The following LMNB2 variants were observed in gnomAD, a reference collection of about 807,000 sequenced individuals.
LMNB2 encodes the protein lamin-B2.
LMNB2 carries 17 observed loss-of-function variants against 69.3 expected under a neutral mutation model. The ratio of observed to expected loss-of-function variants is 0.25; its 90% confidence interval spans 0.17 to 0.37. The LOEUF is 0.37. Ranked by LOEUF, LMNB2 falls within the 10% of genes least tolerant of loss-of-function variation. The probability of loss-of-function intolerance (pLI) is 1.00; values close to 1 mark genes in which losing one functional copy is unlikely to be tolerated. For missense variants in LMNB2, 789 were observed against 883.6 expected, an observed-to-expected ratio of 0.89 and a Z score of 1.36; for synonymous variants, 397 against 389.3, an observed-to-expected ratio of 1.02 and a Z score of -0.23.
intron 8 of LMNB2, among the ~76,000 whole-genome samples, chr19:2,432,800 C>T (rs1971760276): frequency 6.7e-6 from 1 of 149,042 alleles, no homozygotes; most frequent in Non-Finnish European, 1.5e-5. Flanking sequence ...CTCGCATTGG[C>T]CGGCAGCCCC....
Position 2,435,191 on chromosome 19 carries a change from G to A in LMNB2, c.685-20C>T. ...CACCTCCTGCGGACCAAGGCTTCGTGACCCTCTGGTCCCGCCTGGGCCCCA... is the reference window on the plus strand; with the variant it reads ...CACCTCCTGCGGACCAAGGCTTCGTAACCCTCTGGTCCCGCCTGGGCCCCA... On this transcript the variant is annotated intron_variant, in intron 4 of 11. Coordinates refer to ENST00000325327, the MANE Select transcript of LMNB2 (RefSeq NM_032737.4). The A allele has an allele frequency of 6.3e-7, 1 of 1,598,862 alleles. No individual in the cohort carries two copies. Among genetic ancestry groups the A allele is most frequent in the Non-Finnish European group, 8.5e-7 (1 of 1,179,234 alleles).
rs1972045263 is a variant in LMNB2 at position 2,453,013 on chromosome 19, C to CTGGGTCATCCTCGTGGGGGA, written c.264+3656_264+3657insTCCCCCACGAGGATGACCCA. ...GGGGGCTGGGTCATCCTAATGGGGG[C>CTGGGTCATCCTCGTGGGGGA]TGGGTCATCCTCGTGGGGGCTGGGT... On this transcript the variant is annotated intron_variant, in intron 1 of 11. Transcript: ENST00000325327. This position sits in a 1 kb window ranked among gnomAD's most constrained non-coding sequence, Gnocchi z 4.4. 6.3e-4 allele frequency among the ~76,000 whole-genome samples: 49 copies of CTGGGTCATCCTCGTGGGGGA among 77,866 alleles called. No individual in the cohort carries two copies. Among genetic ancestry groups the CTGGGTCATCCTCGTGGGGGA allele is most frequent in the African/African-American group, 2.7e-3 (49 of 18,482 alleles). 51.1% of individuals were successfully genotyped at this position (77,866 alleles called of 152,430 possible).
rs1971919476 is a variant in LMNB2 at position 2,443,465 on chromosome 19, G to C, written c.401+939C>G. Among the ~76,000 whole-genome samples, 1 of 152,126 alleles carries C rather than the reference G, an allele frequency of 6.6e-6. No individual in the cohort carries two copies. Among genetic ancestry groups the C allele is most frequent in the Non-Finnish European group, 1.5e-5 (1 of 68,016 alleles). On this transcript the variant is annotated intron_variant, in intron 2 of 11. Coordinates refer to ENST00000325327, the MANE Select transcript of LMNB2 (RefSeq NM_032737.4). The surrounding 1 kb of genome is among the most constrained non-coding windows in gnomAD (Gnocchi z 6.2). ...GACAACGTGGATTCTCAAGCCACTG[G>C]CTGCTGTCACCCCCGTACCAGGTGG... is the stretch of plus-strand genomic sequence containing the variant.
intron 2 of LMNB2, 112 bp from the exon 3 acceptor site, chr19:2,438,643 C>A: frequency 7.5e-7 from 1 of 1,325,116 alleles, no homozygotes; most frequent in East Asian, 2.4e-5. Context: ...GGCCTCCGAG[C>A]CCCAGACCTT....
chr19:2,454,161 T>C (rs1184765763), intron 1 of LMNB2, among the ~76,000 whole-genome samples: 1 of 151,622 alleles, frequency 6.6e-6, no homozygotes, highest in Non-Finnish European at 1.5e-5. Flanking sequence ...GGCATGGTGG[T>C]GAACACCTGT....
At chr19:2,452,599 G>T (rs1208308456) in intron 1 of LMNB2, among the ~76,000 whole-genome samples, 1 of 151,830 alleles carries the variant, frequency 6.6e-6, no homozygotes, top group Non-Finnish European at 1.5e-5. Context: ...GGTGGTACAC[G>T]CCTGTAATCC....
Position 2,434,992 on chromosome 19 carries a change from C to G in LMNB2, c.855+9G>C, listed in dbSNP as rs772053278. On this transcript the variant is annotated intron_variant, in intron 5 of 11. Transcript: ENST00000325327. ...CGGCCGCCCCCGCCCACCCGCCTGC[C>G]GGCCACACCTTGGCCTGGTAGGTCT... 6.2e-7 allele frequency: 1 copy of G among 1,604,018 alleles called. No homozygotes were observed. Among genetic ancestry groups the G allele is most frequent in the Non-Finnish European group, 8.5e-7 (1 of 1,178,646 alleles).
chr19:2,438,442 G>T lies in LMNB2; in HGVS notation c.491C>A (p.Ala164Glu). 1.2e-6 allele frequency: 2 copies of T among 1,612,506 alleles called. No individual in the cohort carries two copies. Among genetic ancestry groups the T allele is most frequent in the Non-Finnish European group, 1.7e-6 (2 of 1,179,870 alleles). The change falls in exon 3 of 12, where the codon GCA (alanine) becomes GAA (glutamate). Residue 164 changes from alanine to glutamate, a missense_variant. Physicochemically the swap from Ala to Glu is moderately radical, Grantham distance 107. Coordinates refer to ENST00000325327, the MANE Select transcript of LMNB2 (RefSeq NM_032737.4). ...GCCGCGCTTGTCGCTGAGGGCAGCTGCCAGCTCCACCTCGCTCCGGTGGAA... is the reference window on the plus strand; with the variant it reads ...GCCGCGCTTGTCGCTGAGGGCAGCTTCCAGCTCCACCTCGCTCCGGTGGAA... ...SLFHRSEVELAAALSDKRGLE... is the reference protein window; with the variant it reads ...SLFHRSEVELEAALSDKRGLE...
chr19:2,435,164 C>T lies in LMNB2; in HGVS notation c.692G>A (p.Arg231Gln), dbSNP rs754946662. Residue 231 changes from arginine to glutamine, a missense_variant, in exon 5 of 12, where the codon CGG becomes CAG. By Grantham distance (43) the Arg-to-Gln change is conservative (BLOSUM62 1). Transcript: ENST00000325327. ...CCGCTCGTGCCGCCGCCGCGTCTCC[C>T]GCACCTCCTGCGGACCAAGGCTTCG... ...FRKSVFEEEV[R>Q]ETRRRHERRL... The T allele has an allele frequency of 2.1e-5, 34 of 1,602,030 alleles. No homozygotes were observed. In the Admixed American group the frequency reaches 3.5e-4, roughly 17 times the overall value.
chr19:2,447,937 C>T lies in LMNB2; in HGVS notation c.265-3397G>A, dbSNP rs1432019149. Among the ~76,000 whole-genome samples the T allele has an allele frequency of 6.6e-6, 1 of 152,212 alleles. No individual in the cohort carries two copies. Among genetic ancestry groups the T allele is most frequent in the Non-Finnish European group, 1.5e-5 (1 of 68,038 alleles). Reference sequence around the variant, plus strand: ...CCTACAGTGGGGCGGGATAAGGGTTCCCAACCTGATTTTATGTATGGGAAA... The same window carrying T: ...CCTACAGTGGGGCGGGATAAGGGTTTCCAACCTGATTTTATGTATGGGAAA... On this transcript the variant is annotated intron_variant, in intron 1 of 11. Transcript: ENST00000325327. This position sits in a 1 kb window ranked among gnomAD's most constrained non-coding sequence, Gnocchi z 4.4.
intron 4 of LMNB2, among the ~76,000 whole-genome samples, chr19:2,435,817 C>CAA (rs56781086): frequency 2.0e-4 from 27 of 132,410 alleles, no homozygotes; most frequent in East Asian, 6.4e-4. Flanking sequence ...GACTGCGTCT[C>CAA]AAAAAAAAAA....
In LMNB2 at chr19:2,453,124, C is replaced by A. The variant is rs999562078; in HGVS notation, c.264+3546G>T. Among the ~76,000 whole-genome samples the A allele has an allele frequency of 2.0e-5, 3 of 152,154 alleles. 1 individual carries two copies. The highest frequency in any genetic ancestry group is 4.1e-4 in the South Asian group (2 of 4,822). On this transcript the variant is annotated intron_variant, in intron 1 of 11. Coordinates refer to ENST00000325327, the MANE Select transcript of LMNB2 (RefSeq NM_032737.4). The surrounding 1 kb of genome is among the most constrained non-coding windows in gnomAD (Gnocchi z 4.4). ...ATCCTCGTGGGGGCCAGGTGATTCT[C>A]TTCTCGGGGCGCTGAGCAGTACCCA... is the stretch of plus-strand genomic sequence containing the variant.
rs1971738242 is a variant in LMNB2 at position 2,431,452 on chromosome 19, T to G, written c.1821+96A>C. The G allele has an allele frequency of 3.3e-6, 5 of 1,529,152 alleles. 1 individual carries two copies. In the South Asian group the frequency reaches 5.6e-5, roughly 17 times the overall value. 94.7% of individuals were successfully genotyped at this position (1,529,152 alleles called of 1,614,324 possible). On this transcript the variant is annotated intron_variant, in intron 11 of 11. Transcript: ENST00000325327. Reference sequence around the variant, plus strand: ...CCACGGCAGCCAGATGGAGCTCCCGTCGGGGATGCGGCCAGCACGCATGTG... The same window carrying G: ...CCACGGCAGCCAGATGGAGCTCCCGGCGGGGATGCGGCCAGCACGCATGTG...
At position 2,433,912 on chromosome 19, in the gene LMNB2, G is replaced by A; in HGVS notation, c.1396C>T (p.Gln466Ter). ...ACGCTACCCGAGGCCGAGGCCTGCT[G>A]GGCCAGGTGGAAGCCACCGCTGCCA... Reference protein sequence around the residue: ...TGGSGGFHLAQQASASGSVSI... With the variant: ...TGGSGGFHLA The change falls in exon 8 of 12, where the codon CAG (glutamine) becomes TAG (stop). Residue 466 changes from glutamine to a stop codon, truncating the protein, a stop_gained. Coordinates refer to ENST00000325327, the MANE Select transcript of LMNB2 (RefSeq NM_032737.4). LOFTEE classifies it high-confidence loss of function. 6.2e-7 allele frequency: 1 copy of A among 1,612,226 alleles called. No individual in the cohort carries two copies. The highest frequency in any genetic ancestry group is 8.5e-7 in the Non-Finnish European group (1 of 1,179,384).
At chr19:2,441,546 T>C (rs558786734) in intron 2 of LMNB2, among the ~76,000 whole-genome samples, 1 of 152,232 alleles carries the variant, frequency 6.6e-6, no homozygotes, top group Non-Finnish European at 1.5e-5. Context: ...CCTGCGGCCC[T>C]GCTGGGGATT....
intron 1 of LMNB2, among the ~76,000 whole-genome samples, chr19:2,449,266 C>G (rs976323369): frequency 2.0e-5 from 3 of 152,136 alleles, no homozygotes; most frequent in Non-Finnish European, 2.9e-5. Context: ...CACAGAGGAG[C>G]GGGCGGTGTG....
intron 1 of LMNB2, among the ~76,000 whole-genome samples, chr19:2,450,169 C>T (rs896144266): frequency 1.3e-5 from 2 of 148,368 alleles, no homozygotes; most frequent in Admixed American, 6.7e-5. Flanking sequence ...ATCGCCCCAG[C>T]GTGACGATGA....
rs1349977441 is a variant in LMNB2 at position 2,447,919 on chromosome 19, T to C, written c.265-3379A>G. Among the ~76,000 whole-genome samples the C allele has an allele frequency of 6.6e-6, 1 of 152,142 alleles. No homozygotes were observed. Among genetic ancestry groups the C allele is most frequent in the African/African-American group, 2.4e-5 (1 of 41,426 alleles). On this transcript the variant is annotated intron_variant, in intron 1 of 11. Transcript: ENST00000325327. The surrounding 1 kb of genome is among the most constrained non-coding windows in gnomAD (Gnocchi z 4.4). ...AGCTCCAAGTCCCGTCAGCCTACAG[T>C]GGGGCGGGATAAGGGTTCCCAACCT...
chr19:2,456,671 T>C lies in LMNB2; in HGVS notation c.263A>G (p.Glu88Gly). 1 of 1,531,382 alleles carries C rather than the reference T, an allele frequency of 6.5e-7. No homozygotes were observed. Among genetic ancestry groups the C allele is most frequent in the Non-Finnish European group, 8.8e-7 (1 of 1,139,376 alleles). The allele number at this position is 1,531,382 out of a possible 1,614,324, so 94.9% of individuals were successfully genotyped here. A position where few individuals can be genotyped will look rare whatever the true frequency, so the allele number is the denominator to read the frequency against. ...CGGCCCCTAAGCCCCGGCGCCCACC[T>C]CGCGCGTGGTCACCTCCTCCTTCTC... ...ISEKEEVTTR[E>G]VSGIKALYES... Residue 88 changes from glutamate (E) to glycine (G), a missense_variant and splice_region_variant, in exon 1 of 12, where the codon GAG (glutamate) becomes GGG (glycine). Glu to Gly is a moderately conservative substitution (Grantham distance 98). Coordinates refer to ENST00000325327, the MANE Select transcript of LMNB2 (RefSeq NM_032737.4).
Sources: allele counts gnomAD v4.1 joint callset (sites outside exome capture counted in the v4.1 genomes callset), GRCh38; gene constraint gnomAD v4.1.1; non-coding constraint Gnocchi (gnomAD v3.1); transcripts MANE v1.5; gene names NCBI Gene and HGNC (gene_info 2026-07-23, HGNC 2026-07-21).